The following LMNTD1 variants were observed in gnomAD, a reference collection of about 807,000 sequenced individuals.
LMNTD1 encodes lamin tail domain-containing protein 1.
In LMNTD1, 35 loss-of-function variants were observed where a neutral mutation model predicts 50.9. The observed-to-expected ratio is 0.69, with a 90% CI of 0.53 to 0.91. LMNTD1 has a LOEUF of 0.91. Among genes scored for constraint, LMNTD1 ranks in the 40% least tolerant of loss-of-function variants. The pLI is 0.00. For synonymous variants in LMNTD1, 153 were observed against 161.9 expected, an observed-to-expected ratio of 0.94 and a Z score of 0.42; for missense variants, 470 against 475.5, an observed-to-expected ratio of 0.99 and a Z score of 0.11.
intron 9 of LMNTD1, among the ~76,000 whole-genome samples, chr12:25,480,406 G>A (rs1360605205): frequency 6.6e-6 from 1 of 152,206 alleles, no homozygotes; most frequent in Non-Finnish European, 1.5e-5. Context: ...GCAGAAAGGT[G>A]TTCTGTGGCC....
At chr12:25,523,158 C>T (rs1591898916) in intron 6 of LMNTD1, among the ~76,000 whole-genome samples, 1 of 152,068 alleles carries the variant, frequency 6.6e-6, no homozygotes, top group Non-Finnish European at 1.5e-5. Flanking sequence ...CTCAGCCTCC[C>T]TAGTAGCTGG....
chr12:25,549,907 A>G (rs543835876), intron 2 of LMNTD1, among the ~76,000 whole-genome samples: 1 of 152,288 alleles, frequency 6.6e-6, no homozygotes, highest in African/African-American at 2.4e-5. Flanking sequence ...AGACTTTATA[A>G]GCCATTTATA....
At chr12:25,541,872 C>A (rs1591966072) in intron 4 of LMNTD1, among the ~76,000 whole-genome samples, 1 of 147,488 alleles carries the variant, frequency 6.8e-6, no homozygotes. Flanking sequence ...AACAAATTTA[C>A]AAGAAAAAAA....
At chr12:25,544,065 T>C (rs926432475) in intron 4 of LMNTD1, among the ~76,000 whole-genome samples, 2 of 151,938 alleles carry the variant, frequency 1.3e-5, no homozygotes, top group African/African-American at 2.4e-5. Context: ...TTGGGTGAAA[T>C]GTTCTGCACA....
chr12:25,588,812 A>G (rs1945615266), intron 1 of LMNTD1, among the ~76,000 whole-genome samples: 1 of 152,178 alleles, frequency 6.6e-6, no homozygotes, highest in Admixed American at 6.5e-5. Context: ...TATATCAATA[A>G]GTAAAAGTCA....
chr12:25,482,267 C>T (rs1938470670), intron 9 of LMNTD1, among the ~76,000 whole-genome samples: 1 of 151,918 alleles, frequency 6.6e-6, no homozygotes, highest in Non-Finnish European at 1.5e-5. Flanking sequence ...TAACTTAACC[C>T]TGCATGTTAA....
chr12:25,595,925 GA>G (rs1945835075), intron 1 of LMNTD1, among the ~76,000 whole-genome samples: 1 of 152,012 alleles, frequency 6.6e-6, no homozygotes, highest in Admixed American at 6.6e-5. Context: ...TGACACCACA[GA>G]AATACAAAAG....
chr12:25,520,593 A>C (rs1157189300), intron 6 of LMNTD1, among the ~76,000 whole-genome samples: 1 of 152,040 alleles, frequency 6.6e-6, no homozygotes, highest in Admixed American at 6.5e-5. Context: ...TTCTTTATCC[A>C]TTTGTCTGTT....
chr12:25,512,203 A>C (rs774433310), intron 8 of LMNTD1, among the ~76,000 whole-genome samples: 5 of 152,264 alleles, frequency 3.3e-5, no homozygotes, highest in Middle Eastern at 3.2e-3. Context: ...GGTTTGAAAT[A>C]CATATTTGCA....
chr12:25,562,892 T>G (rs1413774142), intron 1 of LMNTD1, among the ~76,000 whole-genome samples: 1 of 152,204 alleles, frequency 6.6e-6, no homozygotes, highest in African/African-American at 2.4e-5. Context: ...CATTTGATCT[T>G]CAATCACTAA....
intron 4 of LMNTD1, among the ~76,000 whole-genome samples, chr12:25,537,371 G>T (rs1942681039): frequency 6.6e-6 from 1 of 152,248 alleles, no homozygotes; most frequent in Admixed American, 6.5e-5. Flanking sequence ...CGCAGCTGGA[G>T]ATCTGGGAAT....
intron 1 of LMNTD1, among the ~76,000 whole-genome samples, chr12:25,577,251 G>T (rs1325754083): frequency 6.6e-6 from 1 of 152,116 alleles, no homozygotes; most frequent in East Asian, 1.9e-4. Flanking sequence ...AGCTTGATGG[G>T]GATGGCATTG....
At chr12:25,628,423 G>A (rs28460495) in intron 1 of LMNTD1, among the ~76,000 whole-genome samples, 2,186 of 152,172 alleles carry the variant, frequency 0.014, 66 homozygotes, top group African/African-American at 0.05. Context: ...TCTGAGCTAT[G>A]ATTTTTTTCA....
At chr12:25,490,549 G>A (rs1439240963) in intron 9 of LMNTD1, among the ~76,000 whole-genome samples, 1 of 152,138 alleles carries the variant, frequency 6.6e-6, no homozygotes, top group Non-Finnish European at 1.5e-5. Context: ...TTTTACAGAG[G>A]TGCGGAAGGG....
At chr12:25,595,717 A>G (rs7138588) in intron 1 of LMNTD1, among the ~76,000 whole-genome samples, 5,916 of 152,208 alleles carry the variant, frequency 0.039, 395 homozygotes, top group African/African-American at 0.13. Context: ...GAAGAAAGGA[A>G]ATAACCAACA....
At chr12:25,543,179 G>GTTC (rs1943212119) in intron 4 of LMNTD1, among the ~76,000 whole-genome samples, 1 of 151,672 alleles carries the variant, frequency 6.6e-6, no homozygotes, top group African/African-American at 2.4e-5. Flanking sequence ...TCACCAATAA[G>GTTC]TTCTATAAGA....
At chr12:25,648,464 G>A (rs1297080820) in intron 1 of LMNTD1, 1 of 1,538,954 alleles carries the variant, frequency 6.5e-7, no homozygotes, top group Non-Finnish European at 8.8e-7. Context: ...TTGCCTGATG[G>A]GGAAAATCCA....
intron 4 of LMNTD1, among the ~76,000 whole-genome samples, chr12:25,533,121 C>T (rs1466188846): frequency 6.6e-6 from 1 of 152,108 alleles, no homozygotes; most frequent in African/African-American, 2.4e-5. Flanking sequence ...AAGGAAAAAA[C>T]AACATTGTCC....
chr12:25,563,273 GT>G (rs759354935), intron 1 of LMNTD1, among the ~76,000 whole-genome samples: 19 of 152,210 alleles, frequency 1.2e-4, no homozygotes, highest in Non-Finnish European at 2.6e-4. Context: ...TATGTTTGTG[GT>G]TTTATCTACC....
Sources: gnomAD v4.1 joint callset for allele counts (sites outside exome capture counted in the v4.1 genomes callset) on GRCh38, gnomAD v4.1.1 for gene constraint, MANE v1.5 for transcripts, NCBI Gene and HGNC (gene_info 2026-07-23, HGNC 2026-07-21) for gene names.